The following ARHGAP32 variants were observed in gnomAD, a reference collection of about 807,000 sequenced individuals.
ARHGAP32 encodes rho GTPase-activating protein 32.
In ARHGAP32, 51 loss-of-function variants were observed where a neutral mutation model predicts 186.5. The ratio of observed to expected loss-of-function variants is 0.27; its 90% CI spans 0.22 to 0.35. The LOEUF is 0.35. ARHGAP32 is among the 10% of genes least tolerant of loss of function. The pLI is 1.00. For missense variants in ARHGAP32, 2,186 were observed against 2,623.5 expected (o/e 0.83, Z 3.64); for synonymous variants, 950 against 964.3 (o/e 0.99, Z 0.27).
intron 6 of ARHGAP32, among the ~76,000 whole-genome samples, chr11:129,081,834 T>C (rs964347613): frequency 5.9e-5 from 9 of 152,072 alleles, no homozygotes; most frequent in East Asian, 3.9e-4. Flanking sequence ...AATGATATGA[T>C]TGTATACCTA....
chr11:129,279,332 G>A (rs1278280330), upstream of ARHGAP32: 8 of 144,210 alleles, frequency 5.5e-5, no homozygotes, highest in African/African-American at 1.7e-4. Context: ...GGCGTCCCCC[G>A]CGCCAGCGCC....
chr11:129,051,780 C>T (rs1940052884), intron 10 of ARHGAP32, among the ~76,000 whole-genome samples: 1 of 151,666 alleles, frequency 6.6e-6, no homozygotes, highest in Non-Finnish European at 1.5e-5. Flanking sequence ...CATGGTGAAA[C>T]CCTGTCTCTA....
chr11:129,086,558 A>C (rs952216727), intron 6 of ARHGAP32, among the ~76,000 whole-genome samples: 2 of 152,214 alleles, frequency 1.3e-5, no homozygotes, highest in African/African-American at 2.4e-5. Context: ...ATGGTGGCTC[A>C]CGCCTGTAAT....
At chr11:129,128,882 G>A (rs1463199606) in intron 2 of ARHGAP32, among the ~76,000 whole-genome samples, 3 of 152,178 alleles carry the variant, frequency 2.0e-5, no homozygotes, top group African/African-American at 7.2e-5. Context: ...CGCTCACTCA[G>A]TGCTCAATGT....
chr11:129,026,732 C>T (rs974811277), intron 11 of ARHGAP32, among the ~76,000 whole-genome samples: 6 of 145,216 alleles, frequency 4.1e-5, no homozygotes, highest in African/African-American at 1.5e-4. Context: ...ACCCGGGAGG[C>T]AGAGGTTGCA....
At chr11:128,988,356 AT>A (rs1654967133) in intron 12 of ARHGAP32, among the ~76,000 whole-genome samples, 1 of 152,216 alleles carries the variant, frequency 6.6e-6, no homozygotes, top group Admixed American at 6.5e-5. Flanking sequence ...ATGTCATGAT[AT>A]TTAAGTGAGT....
chr11:128,995,264 T>TG (rs1459439407), intron 12 of ARHGAP32, among the ~76,000 whole-genome samples: 1 of 152,176 alleles, frequency 6.6e-6, no homozygotes, highest in African/African-American at 2.4e-5. Flanking sequence ...TGGAATGCAG[T>TG]GGCAAGATGA....
At chr11:129,089,110 G>GA (rs1941499435) in intron 6 of ARHGAP32, among the ~76,000 whole-genome samples, 2 of 150,828 alleles carry the variant, frequency 1.3e-5, no homozygotes, top group South Asian at 4.2e-4. Flanking sequence ...TGCAGAATGA[G>GA]AAAAAAATAT....
intron 20 of ARHGAP32, among the ~76,000 whole-genome samples, chr11:128,976,246 T>C (rs566279957): frequency 1.4e-4 from 22 of 152,224 alleles, no homozygotes; most frequent in African/African-American, 4.6e-4. Context: ...TATGCTCCCA[T>C]TGTAAAATCT....
chr11:128,982,526 C>T (rs936826423), intron 15 of ARHGAP32, among the ~76,000 whole-genome samples: 1 of 149,540 alleles, frequency 6.7e-6, no homozygotes, highest in Non-Finnish European at 1.5e-5. Flanking sequence ...CATGCACACA[C>T]AGAGGTATTA....
chr11:129,198,327 C>T (rs769946837), intron 1 of ARHGAP32, among the ~76,000 whole-genome samples: 14 of 152,178 alleles, frequency 9.2e-5, no homozygotes, highest in Non-Finnish European at 1.9e-4. Flanking sequence ...CAAATATCAA[C>T]TATGTCATTT....
intron 1 of ARHGAP32, among the ~76,000 whole-genome samples, chr11:129,200,351 T>A (rs544167658): frequency 2.0e-5 from 3 of 152,176 alleles, no homozygotes; most frequent in Non-Finnish European, 2.9e-5. Flanking sequence ...GTAACTCCCA[T>A]AGTTCCCACA....
chr11:129,170,212 A>AG lies in ARHGAP32; in HGVS notation c.117-5786_117-5785insC, dbSNP rs1054038357. ...AATTTCTTTCTTTTTAATTTCTTCAAAAAAAAAAAAAAACGGGATACATAT... is the reference window on the plus strand; with the variant it reads ...AATTTCTTTCTTTTTAATTTCTTCAAGAAAAAAAAAAAAACGGGATACATAT... On this transcript the variant is annotated intron_variant, in intron 1 of 22. Transcript: ENST00000682385. 2.2e-5 allele frequency among the ~76,000 whole-genome samples: 3 copies of AG among 133,530 alleles called. 1 individual carries two copies. Among genetic ancestry groups the AG allele is most frequent in the Admixed American group, 2.1e-4 (3 of 14,100 alleles). 87.6% of individuals were successfully genotyped at this position (133,530 alleles called of 152,430 possible). A position where few individuals can be genotyped will look rare whatever the true frequency, so the allele number is the denominator to read the frequency against.
chr11:129,191,457 T>C (rs564779430), intron 1 of ARHGAP32, among the ~76,000 whole-genome samples: 1 of 152,278 alleles, frequency 6.6e-6, no homozygotes, highest in African/African-American at 2.4e-5. Flanking sequence ...TGAGAGCTGC[T>C]TCATCAGGAG....
chr11:129,064,006 G>T lies in ARHGAP32; in HGVS notation c.781C>A (p.His261Asn). The change falls in exon 9 of 23, where the codon CAC becomes AAC. Residue 261 changes from histidine (H) to asparagine (N), a missense_variant. This residue lies in a region of ARHGAP32 where 308 missense variants were observed against 596.5 expected (regional missense o/e 0.52). Coordinates refer to ENST00000682385, the MANE Select transcript of ARHGAP32 (RefSeq NM_001378024.1). ...TWMEIDNKGN[H>N]LLVHEESSIN... ...GATGACTCCTCATGAACCAAAAGGT[G>T]ATTTCCCTTATTATCAATCTATCAC... is the stretch of plus-strand genomic sequence containing the variant. The T allele has an allele frequency of 6.2e-7, 1 of 1,609,484 alleles. No homozygotes were observed. Among genetic ancestry groups the T allele is most frequent in the South Asian group, 1.1e-5 (1 of 90,254 alleles).
intron 1 of ARHGAP32, among the ~76,000 whole-genome samples, chr11:129,191,435 C>T (rs1474799720): frequency 6.6e-6 from 1 of 152,144 alleles, no homozygotes; most frequent in Admixed American, 6.6e-5. Context: ...TTCTTCACCA[C>T]AGACACTAAA....
chr11:128,973,401 G>A lies in ARHGAP32; in HGVS notation c.3105C>T (p.Ser1035=), dbSNP rs143245403. 1,891 of 1,613,906 alleles carry A rather than the reference G, an allele frequency of 1.2e-3. 1 individual carries two copies. Among genetic ancestry groups the A allele is most frequent in the Non-Finnish European group, 1.5e-3 (1,717 of 1,179,988 alleles). The change falls in exon 22 of 23, where the codon TCC becomes TCT. Residue 1035 remains serine (S), a synonymous_variant. Coordinates refer to ENST00000682385, the MANE Select transcript of ARHGAP32 (RefSeq NM_001378024.1). ...GAVTHDPPQD[S]VPVSSVSLIP... Reference sequence around the variant, plus strand: ...TAAGAGAGACTGAACTGACAGGAACGGAATCCTGAGGGGGGTCATGGGTAA... The same window carrying A: ...TAAGAGAGACTGAACTGACAGGAACAGAATCCTGAGGGGGGTCATGGGTAA...
chr11:129,271,108 T>C (rs1945466999), intron 1 of ARHGAP32, among the ~76,000 whole-genome samples: 1 of 152,200 alleles, frequency 6.6e-6, no homozygotes. Context: ...GCATTAAGTA[T>C]ATTGGAAAGC....
At chr11:129,158,076 C>T (rs1003471159) in intron 2 of ARHGAP32, among the ~76,000 whole-genome samples, 9 of 152,118 alleles carry the variant, frequency 5.9e-5, no homozygotes, top group African/African-American at 1.9e-4. Flanking sequence ...CTTAAGGAAG[C>T]ACTACATATG....
Sources: allele counts gnomAD v4.1 joint callset (sites outside exome capture counted in the v4.1 genomes callset), GRCh38; gene constraint gnomAD v4.1.1; regional missense constraint gnomAD v4.1.1; transcripts MANE v1.5; gene names NCBI Gene and HGNC (gene_info 2026-07-23, HGNC 2026-07-21).